Variants in SEM1 observed in about 807,000 individuals in gnomAD.
SEM1 encodes the protein SEM1 26S proteasome subunit.
Under a neutral mutation model 12.7 loss-of-function variants are expected in SEM1, and 3 were observed. The observed-to-expected ratio is 0.24, with a 90% CI of 0.11 to 0.61. The LOEUF (loss-of-function observed/expected upper bound fraction) is 0.61, where lower values mean the gene tolerates loss of function less well. Among genes scored for constraint, SEM1 ranks in the 20% least tolerant of loss-of-function variants. The pLI is 0.88. For synonymous variants in SEM1, 30 were observed against 27.8 expected (o/e 1.08, Z -0.25); for missense variants, 59 against 81.3 (o/e 0.73, Z 1.06).
At chr7:96,709,297 A>G (rs1009687067) in intron 1 of SEM1, among the ~76,000 whole-genome samples, 2 of 152,216 alleles carry the variant, frequency 1.3e-5, no homozygotes, top group African/African-American at 4.8e-5. Flanking sequence ...CTGACAATTC[A>G]ATTCTGGAAA....
intron 1 of SEM1, among the ~76,000 whole-genome samples, chr7:96,487,599 CA>C (rs1802827095): frequency 6.7e-6 from 1 of 149,940 alleles, no homozygotes; most frequent in South Asian, 2.1e-4. Context: ...GTGGACATGG[CA>C]AGTATTCTTA....
chr7:96,563,134 C>T (rs936711204), intron 2 of SEM1, among the ~76,000 whole-genome samples: 13 of 151,880 alleles, frequency 8.6e-5, no homozygotes, highest in African/African-American at 3.1e-4. Context: ...GAGAAATGTT[C>T]CTGAGTAGAC....
chr7:96,590,374 T>C (rs1490527034), intron 2 of SEM1, among the ~76,000 whole-genome samples: 1 of 152,238 alleles, frequency 6.6e-6, no homozygotes, highest in African/African-American at 2.4e-5. Flanking sequence ...ATTTGCTAGA[T>C]CTGGCAACTT....
intron 2 of SEM1, among the ~76,000 whole-genome samples, chr7:96,589,606 C>T (rs534850545): frequency 4.6e-5 from 7 of 152,228 alleles, no homozygotes; most frequent in Admixed American, 3.9e-4. Flanking sequence ...TCATTTACAA[C>T]CTACATTTAT....
intron 2 of SEM1, among the ~76,000 whole-genome samples, chr7:96,658,419 T>A (rs995617174): frequency 2.0e-5 from 3 of 152,204 alleles, no homozygotes; most frequent in Non-Finnish European, 4.4e-5. Flanking sequence ...ATATGGTCTT[T>A]TAATTTCTTT....
chr7:96,574,432 A>G (rs1430533896), intron 2 of SEM1, among the ~76,000 whole-genome samples: 1 of 152,180 alleles, frequency 6.6e-6, no homozygotes, highest in Non-Finnish European at 1.5e-5. Context: ...ATGATTTATA[A>G]TCCTTTGGGT....
intron 2 of SEM1, among the ~76,000 whole-genome samples, chr7:96,552,102 G>A (rs1805297895): frequency 6.6e-6 from 1 of 152,202 alleles, no homozygotes; most frequent in Admixed American, 6.5e-5. Flanking sequence ...AGTAGCCCAG[G>A]GGAAGCGTGG....
At chr7:96,651,798 C>T (rs889596851) in intron 2 of SEM1, among the ~76,000 whole-genome samples, 8 of 152,152 alleles carry the variant, frequency 5.3e-5, no homozygotes, top group African/African-American at 1.9e-4. Context: ...GTCTCGAACT[C>T]CTGACCTCAA....
At chr7:96,628,145 A>G (rs1584816216) in intron 2 of SEM1, among the ~76,000 whole-genome samples, 1 of 151,562 alleles carries the variant, frequency 6.6e-6, no homozygotes, top group South Asian at 2.1e-4. Flanking sequence ...TTTTCAGTCT[A>G]TGTGTGTCTT....
intron 1 of SEM1, among the ~76,000 whole-genome samples, chr7:96,704,079 A>C (rs1423185137): frequency 6.6e-6 from 1 of 152,126 alleles, no homozygotes; most frequent in African/African-American, 2.4e-5. Flanking sequence ...AGACTATTTA[A>C]GATGAACACA....
At chr7:96,684,055 A>G (rs1192547401), downstream of SEM1, among the ~76,000 whole-genome samples, 1 of 152,084 alleles carries the variant, frequency 6.6e-6, no homozygotes, top group East Asian at 1.9e-4. Context: ...GGACGTTTGT[A>G]GGCTTGTTTT....
chr7:96,709,156 A>C (rs1038363894), intron 1 of SEM1, among the ~76,000 whole-genome samples: 1 of 152,118 alleles, frequency 6.6e-6, no homozygotes, highest in Non-Finnish European at 1.5e-5. Context: ...GTCACAGTTA[A>C]GTGATCAAAA....
intron 1 of SEM1, among the ~76,000 whole-genome samples, chr7:96,703,587 A>G (rs1026643169): frequency 2.0e-5 from 3 of 152,160 alleles, no homozygotes; most frequent in Non-Finnish European, 4.4e-5. Flanking sequence ...CAGAAAAAAA[A>G]CAACAAAACC....
At position 96,640,591 on chromosome 7, in the gene SEM1, G is replaced by A. The variant is rs1021170734; in HGVS notation, c.171-17948C>T. ...TAGTGGGAGGGAGAGATGAATAGGT[G>A]GAGAACAGAGGATTTTTAGGGAAGT... On this transcript the variant is annotated intron_variant, in intron 2 of 2. Coordinates refer to the SEM1 transcript ENST00000417009. The surrounding 1 kb of genome is among the most constrained non-coding windows in gnomAD (Gnocchi z 4.0). Among the ~76,000 whole-genome samples, 7 of 151,910 alleles carry A rather than the reference G, an allele frequency of 4.6e-5. No homozygotes were observed. The highest frequency in any genetic ancestry group is 1.7e-4 in the African/African-American group (7 of 41,384).
chr7:96,585,338 C>G (rs1287385004), intron 2 of SEM1, among the ~76,000 whole-genome samples: 1 of 152,208 alleles, frequency 6.6e-6, no homozygotes, highest in Admixed American at 6.5e-5. Context: ...CAGATCCCAG[C>G]TTCGTGCTGG....
intron 2 of SEM1, among the ~76,000 whole-genome samples, chr7:96,572,860 C>A (rs1806080839): frequency 6.6e-6 from 1 of 152,146 alleles, no homozygotes; most frequent in Admixed American, 6.6e-5. Context: ...TCTCATTGAT[C>A]TGTCTAATAT....
intron 2 of SEM1, among the ~76,000 whole-genome samples, chr7:96,600,181 C>A (rs974732213): frequency 2.0e-5 from 3 of 152,050 alleles, no homozygotes; most frequent in African/African-American, 7.2e-5. Flanking sequence ...TCTTAAGTAG[C>A]AAATATACAG....
chr7:96,672,255 G>GCC (rs1372688084), downstream of SEM1, among the ~76,000 whole-genome samples: 2 of 152,176 alleles, frequency 1.3e-5, no homozygotes, highest in Non-Finnish European at 2.9e-5. Context: ...TGCCTGTTCT[G>GCC]CCCCAAGGTC....
At chr7:96,547,992 T>C (rs1437403894) in intron 2 of SEM1, among the ~76,000 whole-genome samples, 1 of 152,044 alleles carries the variant, frequency 6.6e-6, no homozygotes, top group African/African-American at 2.4e-5. Flanking sequence ...AAAGTTGAGA[T>C]GGGGAGGTAC....
Sources: allele counts gnomAD v4.1 joint callset (sites outside exome capture counted in the v4.1 genomes callset), GRCh38; gene constraint gnomAD v4.1.1; non-coding constraint Gnocchi (gnomAD v3.1); transcripts MANE v1.5; gene names NCBI Gene and HGNC (gene_info 2026-07-23, HGNC 2026-07-21).